FKTN: variants seen among roughly 807,000 people sequenced by gnomAD.
FKTN encodes fukutin, also known as ribitol-5-phosphate transferase FKTN.
A neutral mutation model predicts 58.6 loss-of-function variants in FKTN; 47 were observed. The ratio of observed to expected loss-of-function variants is 0.80; its 90% CI spans 0.63 to 1.02. The LOEUF is 1.02. Ranked by LOEUF, FKTN falls within the 50% of genes least tolerant of loss-of-function variation. The pLI is 0.00. For missense variants in FKTN, 516 were observed against 537.3 expected (o/e 0.96, Z 0.39); for synonymous variants, 178 against 191.9 (o/e 0.93, Z 0.60).
At chr9:105,617,233 G>C (rs776718964) in intron 8 of FKTN, among the ~76,000 whole-genome samples, 5 of 152,106 alleles carry the variant, frequency 3.3e-5, no homozygotes, top group Non-Finnish European at 7.4e-5. Flanking sequence ...AAAGATCATA[G>C]GGGAGACCCA....
At chr9:105,589,047 A>T (rs1844392340) in intron 3 of FKTN, among the ~76,000 whole-genome samples, 2 of 152,322 alleles carry the variant, frequency 1.3e-5, no homozygotes, top group South Asian at 4.1e-4. Context: ...GAGTGCCAAT[A>T]ACTCTTGCTC....
In FKTN at chr9:105,620,011, T is replaced by G; in HGVS notation, c.1122T>G (p.Thr374=). 6.2e-7 allele frequency: 1 copy of G among 1,611,996 alleles called. No individual in the cohort carries two copies. Among genetic ancestry groups the G allele is most frequent in the Non-Finnish European group, 8.5e-7 (1 of 1,178,350 alleles). ...ATGTTTTTTTCTTCTATGAAGAAAC[T>G]GATCACATGTGGAATGGAGGCACTC... ...KLDVFFFYEE[T]DHMWNGGTQA... Residue 374 remains threonine, a synonymous_variant, in exon 10 of 11, where the codon ACT becomes ACG. Transcript: ENST00000357998.
At chr9:105,568,320 C>A (rs1840074801) in intron 1 of FKTN, among the ~76,000 whole-genome samples, 1 of 152,196 alleles carries the variant, frequency 6.6e-6, no homozygotes, top group African/African-American at 2.4e-5. Flanking sequence ...AGAGCTTCTG[C>A]ATAGCAAAAG....
chr9:105,567,046 A>G (rs1839780132), intron 1 of FKTN, among the ~76,000 whole-genome samples: 1 of 152,220 alleles, frequency 6.6e-6, no homozygotes, highest in South Asian at 2.1e-4. Context: ...AACAAAAGCC[A>G]CATAAGATTA....
intron 4 of FKTN, among the ~76,000 whole-genome samples, chr9:105,599,676 G>T (rs1046503525): frequency 1.1e-4 from 16 of 151,762 alleles, no homozygotes; most frequent in African/African-American, 3.4e-4. Context: ...GCTAATTTTT[G>T]TATTTTTAGT....
At chr9:105,585,367 A>G (rs902243718) in intron 3 of FKTN, among the ~76,000 whole-genome samples, 3 of 152,158 alleles carry the variant, frequency 2.0e-5, no homozygotes, top group Non-Finnish European at 4.4e-5. Flanking sequence ...TTGAGTTTAC[A>G]GTGAGCTAAG....
intron 7 of FKTN, among the ~76,000 whole-genome samples, chr9:105,609,436 C>A (rs1213699471): frequency 2.0e-5 from 3 of 151,984 alleles, no homozygotes; most frequent in Non-Finnish European, 2.9e-5. Flanking sequence ...CTCTACATGT[C>A]CTAATATGAA....
chr9:105,576,088 C>A (rs1039549801), intron 3 of FKTN, among the ~76,000 whole-genome samples: 2 of 150,646 alleles, frequency 1.3e-5, no homozygotes, highest in Non-Finnish European at 3.0e-5. Context: ...TATTATGCAG[C>A]ATTGTTACAT....
intron 3 of FKTN, among the ~76,000 whole-genome samples, chr9:105,596,226 C>T (rs1826781379): frequency 6.6e-6 from 1 of 152,112 alleles, no homozygotes; most frequent in African/African-American, 2.4e-5. Context: ...CCAAAGTCTA[C>T]AAACACTAAT....
Position 105,637,955 on chromosome 9 carries a change from C to G in FKTN, c.*2691C>G. ...TTTCTTTGATTCCCTAGCTGCAAAA[C>G]CTGAAATTGACCACTAGGTGACAGA... On this transcript the variant is annotated 3_prime_UTR_variant, in exon 11 of 11. Coordinates refer to ENST00000357998, the MANE Select transcript of FKTN (RefSeq NM_001079802.2). 1.0e-6 allele frequency: 1 copy of G among 985,364 alleles called. No individual in the cohort carries two copies. The highest frequency in any genetic ancestry group is 1.2e-6 in the Non-Finnish European group (1 of 829,918). The allele number at this position is 985,364 out of a possible 1,614,324, so 61.0% of individuals were successfully genotyped here. A position where few individuals can be genotyped will look rare whatever the true frequency, so the allele number is the denominator to read the frequency against.
chr9:105,604,573 T>C (rs1271482721), intron 6 of FKTN, 81 bp downstream of exon 6: 1 of 1,085,392 alleles, frequency 9.2e-7, no homozygotes, highest in South Asian at 1.3e-5. Flanking sequence ...ATTTGAGTAT[T>C]GAAATCTAAT....
rs559118588 is a variant in FKTN, at chr9:105,579,339, A to G, written c.105+4202A>G. Among the ~76,000 whole-genome samples the G allele has an allele frequency of 8.8e-3, 1,335 of 151,808 alleles. 17 individuals are homozygous for G. Among genetic ancestry groups the G allele is most frequent in the African/African-American group, 0.031 (1,279 of 41,384 alleles). On this transcript the variant is annotated intron_variant, in intron 3 of 10. Coordinates refer to ENST00000357998, the MANE Select transcript of FKTN (RefSeq NM_001079802.2). ...TTTCCCTCTACACATTGCTTTAAAC[A>G]TGTCCCAGAGATTCTGGTATGTCGT...
At chr9:105,588,124 A>G (rs1235161630) in intron 3 of FKTN, among the ~76,000 whole-genome samples, 5 of 152,234 alleles carry the variant, frequency 3.3e-5, no homozygotes, top group African/African-American at 1.2e-4. Context: ...TATAAGAAAC[A>G]CTGTTGGATA....
chr9:105,560,903 C>G (rs1838174886), intron 1 of FKTN, among the ~76,000 whole-genome samples: 1 of 151,990 alleles, frequency 6.6e-6, no homozygotes, highest in Admixed American at 6.6e-5. Context: ...CCTGGCCAGC[C>G]TGATGAAACC....
intron 1 of FKTN, among the ~76,000 whole-genome samples, chr9:105,563,476 C>A (rs959383051): frequency 1.6e-4 from 24 of 152,306 alleles, no homozygotes; most frequent in African/African-American, 5.8e-4. Context: ...TTCCGACAGT[C>A]TTAGCAAACA....
At chr9:105,584,945 TGTAGA>T (rs1306565519) in intron 3 of FKTN, among the ~76,000 whole-genome samples, 1 of 152,226 alleles carries the variant, frequency 6.6e-6, no homozygotes, top group African/African-American at 2.4e-5. Context: ...AGTCACAATT[TGTAGA>T]GTATTTTGCC....
At position 105,635,450 on chromosome 9, in the gene FKTN, T is replaced by TA; in HGVS notation, c.*187dup. 1 of 1,449,884 alleles carries TA rather than the reference T, an allele frequency of 6.9e-7. No individual in the cohort carries two copies. Among genetic ancestry groups the TA allele is most frequent in the South Asian group, 1.5e-5 (1 of 67,436 alleles). The allele number at this position is 1,449,884 out of a possible 1,614,324, so 89.8% of individuals were successfully genotyped here. On this transcript the variant is annotated 3_prime_UTR_variant, in exon 11 of 11. Transcript: ENST00000357998. ...TACTGAGGAATTTTCATGTGCCACATACAATGCTAGGTTACAGTGGAGAAG... is the reference window on the plus strand; with the variant it reads ...TACTGAGGAATTTTCATGTGCCACATAACAATGCTAGGTTACAGTGGAGAAG...
chr9:105,620,262 G>A (rs1831622536), intron 10 of FKTN: 1 of 492,764 alleles, frequency 2.0e-6, no homozygotes, highest in East Asian at 3.9e-5. Context: ...AGGAGGAAGT[G>A]TCCCTGGGTT....
Position 105,612,194 on chromosome 9 carries a change from C to T in FKTN, c.781-3084C>T, listed in dbSNP as rs780842047. Among the ~76,000 whole-genome samples, 6 of 152,058 alleles carry T rather than the reference C, an allele frequency of 3.9e-5. No homozygotes were observed. In the South Asian group the frequency reaches 8.3e-4, roughly 21 times the overall value. On this transcript the variant is annotated intron_variant, in intron 7 of 10. Transcript: ENST00000357998. Reference sequence around the variant, plus strand: ...GTATGTCTTTTGAAAAGTGTCTGTTCGTGTCCTTCACCCACTTTTTAATGG... The same window carrying T: ...GTATGTCTTTTGAAAAGTGTCTGTTTGTGTCCTTCACCCACTTTTTAATGG...
Sources: allele counts gnomAD v4.1 joint callset (sites outside exome capture counted in the v4.1 genomes callset), GRCh38; gene constraint gnomAD v4.1.1; transcripts MANE v1.5; gene names NCBI Gene and HGNC (gene_info 2026-07-23, HGNC 2026-07-21).